PLPP3: variants seen among roughly 807,000 people sequenced by gnomAD.
PLPP3 encodes the protein PAP2 beta.
PLPP3 carries 6 observed loss-of-function variants against 29.6 expected under a neutral mutation model. The observed-to-expected ratio is 0.20, with a 90% CI of 0.11 to 0.40. The LOEUF is 0.40. PLPP3 is among the 10% of genes least tolerant of loss of function. PLPP3 has a pLI of 1.00. For missense variants in PLPP3, 308 were observed against 407.7 expected (o/e 0.76, Z 2.11); for synonymous variants, 152 against 159.7 (o/e 0.95, Z 0.36).
chr1:56,564,044 A>T (rs555840553), intron 1 of PLPP3, among the ~76,000 whole-genome samples: 219 of 152,384 alleles, frequency 1.4e-3, no homozygotes, highest in African/African-American at 5.0e-3. Context: ...TGCTTTCTTC[A>T]TATGCTCATT....
At chr1:56,507,519 T>C (rs1645711644) in intron 5 of PLPP3, among the ~76,000 whole-genome samples, 1 of 151,980 alleles carries the variant, frequency 6.6e-6, no homozygotes, top group South Asian at 2.1e-4. Context: ...GAGACAGACA[T>C]ATGAGCAGGC....
At chr1:56,577,256 A>T (rs1173348316) in intron 1 of PLPP3, among the ~76,000 whole-genome samples, 1 of 152,202 alleles carries the variant, frequency 6.6e-6, no homozygotes, top group Non-Finnish European at 1.5e-5. Context: ...TTTAAGTAGT[A>T]ATCTGTCCCA....
At chr1:56,502,265 A>G (rs1645672844) in intron 5 of PLPP3, among the ~76,000 whole-genome samples, 1 of 152,226 alleles carries the variant, frequency 6.6e-6, no homozygotes, top group Non-Finnish European at 1.5e-5. Context: ...CCTTGAAAAT[A>G]GGAATCCCAT....
chr1:56,571,907 A>G (rs187037119), intron 1 of PLPP3, among the ~76,000 whole-genome samples: 3 of 152,112 alleles, frequency 2.0e-5, no homozygotes, highest in Admixed American at 6.6e-5. Flanking sequence ...TCCCTCTTCT[A>G]TAAAAGGGAT....
intron 5 of PLPP3, among the ~76,000 whole-genome samples, chr1:56,503,379 T>C (rs551988208): frequency 1.3e-3 from 193 of 152,266 alleles, no homozygotes; most frequent in African/African-American, 4.5e-3. Flanking sequence ...CCTGTATTTG[T>C]GTGGAAATGT....
In PLPP3 at chr1:56,495,523, T is replaced by C. The variant is rs1645625858; in HGVS notation, c.*1028A>G. The stretch of plus-strand genomic sequence containing the variant: ...CCCTCAGCTCTGTCATCCTGAAGGG[T>C]AACCTCTCATGCATGAGACTGCCTG... On this transcript the variant is annotated 3_prime_UTR_variant, in exon 6 of 6. Coordinates refer to ENST00000371250, the MANE Select transcript of PLPP3 (RefSeq NM_003713.5). The C allele has an allele frequency of 6.5e-6, 1 of 152,692 alleles. No homozygotes were observed. The highest frequency in any genetic ancestry group is 1.5e-5 in the Non-Finnish European group (1 of 68,090). The allele number at this position is 152,692 out of a possible 1,614,324, so 9.5% of individuals were successfully genotyped here. A position where few individuals can be genotyped will look rare whatever the true frequency, so the allele number is the denominator to read the frequency against.
chr1:56,501,360 G>A (rs1645666794), intron 5 of PLPP3, among the ~76,000 whole-genome samples: 1 of 152,098 alleles, frequency 6.6e-6, no homozygotes, highest in Non-Finnish European at 1.5e-5. Flanking sequence ...GCTTTCCTAT[G>A]CCTGTGACAT....
At chr1:56,535,903 A>C (rs1381689769) in intron 2 of PLPP3, among the ~76,000 whole-genome samples, 1 of 152,222 alleles carries the variant, frequency 6.6e-6, no homozygotes, top group African/African-American at 2.4e-5. Flanking sequence ...TCTTGAGGGA[A>C]TCCAAACAGC....
At chr1:56,553,040 C>T (rs910690504) in intron 1 of PLPP3, among the ~76,000 whole-genome samples, 2 of 152,128 alleles carry the variant, frequency 1.3e-5, no homozygotes, top group Admixed American at 1.3e-4. Context: ...TCAACATGGA[C>T]ATTTCATCCT....
intron 1 of PLPP3, among the ~76,000 whole-genome samples, chr1:56,568,280 C>T (rs1459286388): frequency 6.6e-6 from 1 of 152,036 alleles, no homozygotes; most frequent in Admixed American, 6.6e-5. Context: ...TACTAAAAAC[C>T]AATGAATCGT....
At chr1:56,549,578 G>C (rs1027754804) in intron 1 of PLPP3, among the ~76,000 whole-genome samples, 2 of 152,190 alleles carry the variant, frequency 1.3e-5, no homozygotes, top group African/African-American at 4.8e-5. Flanking sequence ...AAGGACTGCA[G>C]AGTATTTTGT....
intron 2 of PLPP3, among the ~76,000 whole-genome samples, chr1:56,529,842 T>C (rs1454783446): frequency 6.6e-6 from 1 of 152,120 alleles, no homozygotes; most frequent in East Asian, 1.9e-4. Flanking sequence ...TTCTGGGCTT[T>C]ATGGGTAAGT....
intron 1 of PLPP3, among the ~76,000 whole-genome samples, chr1:56,571,498 C>T (rs1178524223): frequency 6.6e-6 from 1 of 152,196 alleles, no homozygotes; most frequent in African/African-American, 2.4e-5. Context: ...GCCTATTTTT[C>T]TAACTGACAT....
intron 4 of PLPP3, among the ~76,000 whole-genome samples, chr1:56,522,585 T>G (rs1047061890): frequency 6.6e-6 from 1 of 152,136 alleles, no homozygotes; most frequent in Non-Finnish European, 1.5e-5. Flanking sequence ...TTGTCATAAG[T>G]TGGGGCTCAT....
At chr1:56,558,978 C>T (rs561557042) in intron 1 of PLPP3, among the ~76,000 whole-genome samples, 26 of 152,292 alleles carry the variant, frequency 1.7e-4, no homozygotes, top group Admixed American at 6.5e-4. Context: ...TTCTGAAAGA[C>T]CATTTAATTC....
chr1:56,506,104 C>T (rs1217722962), intron 5 of PLPP3, among the ~76,000 whole-genome samples: 3 of 152,196 alleles, frequency 2.0e-5, no homozygotes, highest in Non-Finnish European at 4.4e-5. Context: ...ATCCATTCCC[C>T]TGTGCCCAGG....
chr1:56,507,667 G>A (rs772151587), intron 5 of PLPP3, among the ~76,000 whole-genome samples: 12 of 152,172 alleles, frequency 7.9e-5, no homozygotes, highest in Non-Finnish European at 1.2e-4. Flanking sequence ...AAAGATGCCC[G>A]CATCCTAAGT....
intron 4 of PLPP3, among the ~76,000 whole-genome samples, chr1:56,522,524 G>T (rs1247698869): frequency 6.6e-6 from 1 of 152,114 alleles, no homozygotes; most frequent in African/African-American, 2.4e-5. Context: ...AAAAAAAGAT[G>T]AAGAATGGAG....
intron 1 of PLPP3, among the ~76,000 whole-genome samples, chr1:56,556,468 G>A (rs1260517911): frequency 6.6e-6 from 1 of 152,108 alleles, no homozygotes; most frequent in Non-Finnish European, 1.5e-5. Flanking sequence ...ATCAACATGA[G>A]TAAAAAGAAA....
Sources: gnomAD v4.1 joint callset for allele counts (sites outside exome capture counted in the v4.1 genomes callset) on GRCh38, gnomAD v4.1.1 for gene constraint, MANE v1.5 for transcripts, NCBI Gene and HGNC (gene_info 2026-07-23, HGNC 2026-07-21) for gene names.